MAP3K13: variants seen among roughly 807,000 people sequenced by gnomAD.
The protein encoded by MAP3K13 is mitogen-activated protein kinase kinase kinase 13.
A neutral mutation model predicts 104.0 loss-of-function variants in MAP3K13; 52 were observed. That is an observed-to-expected ratio of 0.50 (90% CI 0.40 to 0.63). MAP3K13 has a LOEUF of 0.63. Among genes scored for constraint, MAP3K13 ranks in the 20% least tolerant of loss-of-function variants. MAP3K13 has a pLI of 0.00. For missense variants in MAP3K13, 914 were observed against 1,218.5 expected (o/e 0.75, Z 3.72); for synonymous variants, 394 against 442.2 (o/e 0.89, Z 1.37).
intron 3 of MAP3K13, among the ~76,000 whole-genome samples, chr3:185,442,927 C>T (rs1715404481): frequency 6.6e-6 from 1 of 152,074 alleles, no homozygotes; most frequent in African/African-American, 2.4e-5. Flanking sequence ...GCAACCTCCA[C>T]CTCCCGGGTT....
chr3:185,386,757 G>A (rs1431419595), intron 1 of MAP3K13, among the ~76,000 whole-genome samples: 1 of 152,200 alleles, frequency 6.6e-6, no homozygotes, highest in African/African-American at 2.4e-5. Flanking sequence ...GCAGAGACAT[G>A]GATGGAGCTG....
At chr3:185,395,875 G>C (rs1177820478) in intron 1 of MAP3K13, among the ~76,000 whole-genome samples, 1 of 151,506 alleles carries the variant, frequency 6.6e-6, no homozygotes, top group Non-Finnish European at 1.5e-5. Flanking sequence ...ACAGGGTTTC[G>C]CCATGTTGCC....
chr3:185,422,189 G>A (rs899030624), intron 1 of MAP3K13, among the ~76,000 whole-genome samples: 1 of 152,186 alleles, frequency 6.6e-6, no homozygotes, highest in South Asian at 2.1e-4. Context: ...ACTGGGACTT[G>A]CTATTGTTTT....
chr3:185,318,770 G>C (rs985312056), intron 2 of MAP3K13, among the ~76,000 whole-genome samples: 1 of 152,108 alleles, frequency 6.6e-6, no homozygotes, highest in Non-Finnish European at 1.5e-5. Context: ...ACAAAATAGA[G>C]CTTTTAAAAA....
chr3:185,437,731 T>C (rs1248149624), intron 3 of MAP3K13, 101 bp downstream of exon 3: 43 of 1,191,740 alleles, frequency 3.6e-5, no homozygotes, highest in Non-Finnish European at 4.8e-5. Flanking sequence ...AAGCATTCTC[T>C]AGACTTAGCA....
chr3:185,475,946 T>A (rs936207326), intron 11 of MAP3K13, among the ~76,000 whole-genome samples: 2 of 152,188 alleles, frequency 1.3e-5, no homozygotes, highest in African/African-American at 4.8e-5. Context: ...GCCAGTAACT[T>A]GTATTTTTTG....
chr3:185,472,753 T>C (rs371775173), intron 10 of MAP3K13, among the ~76,000 whole-genome samples: 1 of 152,190 alleles, frequency 6.6e-6, no homozygotes, highest in African/African-American at 2.4e-5. Context: ...TAAGTTGGTA[T>C]GAGTTTATTT....
intron 1 of MAP3K13, among the ~76,000 whole-genome samples, chr3:185,379,609 C>T (rs767693362): frequency 1.2e-4 from 19 of 152,290 alleles, no homozygotes; most frequent in African/African-American, 3.8e-4. Context: ...AAGTGTCTCA[C>T]GTGTCTGTGT....
At chr3:185,399,575 TC>T (rs1159368513) in intron 1 of MAP3K13, among the ~76,000 whole-genome samples, 2 of 142,670 alleles carry the variant, frequency 1.4e-5, no homozygotes, top group Non-Finnish European at 3.0e-5. Context: ...ACCATTGCAC[TC>T]CAGCCTGGGC....
chr3:185,430,809 T>C (rs1304386578), intron 2 of MAP3K13, among the ~76,000 whole-genome samples: 2 of 152,244 alleles, frequency 1.3e-5, no homozygotes, highest in Non-Finnish European at 2.9e-5. Flanking sequence ...AGTCTATTTG[T>C]GTATGTGTGT....
chr3:185,299,281 C>T (rs571353728), intron 2 of MAP3K13, among the ~76,000 whole-genome samples: 2 of 152,068 alleles, frequency 1.3e-5, no homozygotes, highest in African/African-American at 2.4e-5. Context: ...GAGAAGGCAC[C>T]GTAAAGGTAG....
At chr3:185,437,366 G>A (rs952027575) in intron 2 of MAP3K13, 81 bp from the exon 3 acceptor site, 15 of 1,270,696 alleles carry the variant, frequency 1.2e-5, no homozygotes, top group Non-Finnish European at 1.7e-5. Flanking sequence ...GGGTGACGAT[G>A]AAGTTGGTAC....
At chr3:185,455,009 A>C (rs1306471262) in intron 7 of MAP3K13, among the ~76,000 whole-genome samples, 3 of 28,604 alleles carry the variant, frequency 1.0e-4, no homozygotes, top group African/African-American at 2.2e-4. Flanking sequence ...TATATATGAG[A>C]TATATATGAT....
intron 7 of MAP3K13, among the ~76,000 whole-genome samples, chr3:185,456,291 G>T (rs1716739978): frequency 6.6e-6 from 1 of 152,012 alleles, no homozygotes; most frequent in Non-Finnish European, 1.5e-5. Flanking sequence ...CCTATTGTTT[G>T]TTACTATTTC....
At chr3:185,347,283 C>T (rs1434287551) in intron 2 of MAP3K13, among the ~76,000 whole-genome samples, 1 of 152,112 alleles carries the variant, frequency 6.6e-6, no homozygotes, top group Non-Finnish European at 1.5e-5. Context: ...CTGCACCTGG[C>T]CGAGATTTGC....
At chr3:185,285,553 G>T in exon 2 of MAP3K13, 1 of 1,429,926 alleles carries the variant, frequency 7.0e-7, no homozygotes, top group South Asian at 1.2e-5. Context: ...CTCTAAAATG[G>T]ACTTCATTTA....
chr3:185,295,180 G>C (rs938233982), intron 2 of MAP3K13, among the ~76,000 whole-genome samples: 1 of 151,760 alleles, frequency 6.6e-6, no homozygotes, highest in Admixed American at 6.6e-5. Flanking sequence ...TTTTTCTTCA[G>C]GGTATTTGTT....
rs568591401 is a variant in MAP3K13, at chr3:185,433,605, A to G, written c.476-3842A>G. On this transcript the variant is annotated intron_variant, in intron 2 of 13. Transcript: ENST00000265026. ...GATTTTACTTCTGATAATTAGTTTC[A>G]GTAAAAAGATGGATAGAAACATTGT... Among the ~76,000 whole-genome samples, 5 of 152,340 alleles carry G rather than the reference A, an allele frequency of 3.3e-5. No homozygotes were observed. The South Asian group carries it at 6.2e-4, about 19-fold the overall frequency.
At chr3:185,442,258 T>G (rs1413924120) in intron 3 of MAP3K13, among the ~76,000 whole-genome samples, 1 of 151,482 alleles carries the variant, frequency 6.6e-6, no homozygotes, top group African/African-American at 2.4e-5. Context: ...GTGTTCCCAC[T>G]CACGGGTGAG....
Sources: allele counts gnomAD v4.1 joint callset (sites outside exome capture counted in the v4.1 genomes callset), GRCh38; gene constraint gnomAD v4.1.1; transcripts MANE v1.5; gene names NCBI Gene and HGNC (gene_info 2026-07-23, HGNC 2026-07-21).